Variants in CRTC1 observed in about 807,000 individuals in gnomAD.
The protein encoded by CRTC1 is CREB regulated transcription coactivator 1.
CRTC1 carries 18 observed loss-of-function variants against 66.1 expected under a neutral mutation model. The observed-to-expected ratio is 0.27, with a 90% CI of 0.19 to 0.40. CRTC1 has a LOEUF of 0.40. Among genes scored for constraint, CRTC1 ranks in the 10% least tolerant of loss-of-function variants. CRTC1 has a pLI of 1.00. For missense variants in CRTC1, 669 were observed against 887.9 expected (o/e 0.75, Z 3.13); for synonymous variants, 416 against 398.8 (o/e 1.04, Z -0.51).
intron 1 of CRTC1, among the ~76,000 whole-genome samples, chr19:18,717,971 T>A (rs1208749722): frequency 6.6e-6 from 1 of 152,186 alleles, no homozygotes; most frequent in Non-Finnish European, 1.5e-5. Flanking sequence ...GTCACGGGGC[T>A]GGCTTTGAAT....
intron 1 of CRTC1, among the ~76,000 whole-genome samples, chr19:18,689,671 C>T (rs1040903975): frequency 6.9e-5 from 10 of 144,756 alleles, no homozygotes; most frequent in East Asian, 6.3e-4. Context: ...GCACCGTCAC[C>T]GGCATGGCTC....
intron 1 of CRTC1, among the ~76,000 whole-genome samples, chr19:18,721,668 T>A (rs1568497842): frequency 6.6e-6 from 1 of 152,168 alleles, no homozygotes; most frequent in Non-Finnish European, 1.5e-5. Flanking sequence ...CTAATTTTTG[T>A]ATTTTTAGTA....
chr19:18,736,575 G>A (rs1372813222), intron 1 of CRTC1, among the ~76,000 whole-genome samples: 1 of 152,018 alleles, frequency 6.6e-6, no homozygotes, highest in Non-Finnish European at 1.5e-5. Flanking sequence ...GGGCCCAGGG[G>A]GAAGAGCCTT....
At chr19:18,708,157 C>T (rs1568488283) in intron 1 of CRTC1, among the ~76,000 whole-genome samples, 5 of 151,990 alleles carry the variant, frequency 3.3e-5, no homozygotes, top group African/African-American at 1.2e-4. Flanking sequence ...ATATATGGGG[C>T]CCAGAGGCCT....
intron 1 of CRTC1, among the ~76,000 whole-genome samples, chr19:18,695,396 G>A (rs992921479): frequency 6.6e-6 from 1 of 152,164 alleles, no homozygotes; most frequent in African/African-American, 2.4e-5. Flanking sequence ...CCTGAACCCA[G>A]GGTCAGGGAA....
In CRTC1 at chr19:18,775,049, G is replaced by A. The variant is rs945781730; in HGVS notation, c.1512+63G>A. 1.7e-5 allele frequency: 25 copies of A among 1,508,862 alleles called. No homozygotes were observed. The African/African-American group carries it at 2.2e-4, about 13-fold the overall frequency. 93.5% of individuals were successfully genotyped at this position (1,508,862 alleles called of 1,614,324 possible). On this transcript the variant is annotated intron_variant, in intron 12 of 13. Transcript: ENST00000321949. The stretch of plus-strand genomic sequence containing the variant: ...AGGACAGATGCTTGCTGGGACCCTC[G>A]CTGGGACCCGGGCCTTGCGAGTCAG...
chr19:18,772,257 C>T (rs2054886599), intron 11 of CRTC1, among the ~76,000 whole-genome samples: 1 of 152,222 alleles, frequency 6.6e-6, no homozygotes, highest in South Asian at 2.1e-4. Context: ...TGGCTCCCCA[C>T]TCAGCCTCCT....
intron 13 of CRTC1, 102 bp downstream of exon 13, chr19:18,775,923 C>A (rs755130377): frequency 1.2e-5 from 15 of 1,292,172 alleles, no homozygotes; most frequent in Non-Finnish European, 1.6e-5. Flanking sequence ...TTGACAGGGC[C>A]GGGGTTGTGA....
chr19:18,712,969 A>T (rs2053424991), intron 1 of CRTC1, among the ~76,000 whole-genome samples: 1 of 151,750 alleles, frequency 6.6e-6, no homozygotes, highest in Non-Finnish European at 1.5e-5. Context: ...AAAAAAAAAA[A>T]AAAGACCCCA....
intron 1 of CRTC1, among the ~76,000 whole-genome samples, chr19:18,734,313 A>C (rs542891505): frequency 1.4e-4 from 22 of 152,234 alleles, no homozygotes; most frequent in African/African-American, 5.3e-4. Context: ...GATCATGGTA[A>C]ATTTTTTATG....
In CRTC1 at chr19:18,695,221, G is replaced by A. The variant is rs527320198; in HGVS notation, c.126+11393G>A. Reference sequence around the variant, plus strand: ...GGGGTTTCGCCATGTTTGCCAGGCCGGTCTCGAACTCCTGGTCTCGAGACC... The same window carrying A: ...GGGGTTTCGCCATGTTTGCCAGGCCAGTCTCGAACTCCTGGTCTCGAGACC... On this transcript the variant is annotated intron_variant, in intron 1 of 13. Transcript: ENST00000321949. Among the ~76,000 whole-genome samples, 6 of 151,950 alleles carry A rather than the reference G, an allele frequency of 3.9e-5. No homozygotes were observed. The South Asian group carries it at 6.2e-4, about 16-fold the overall frequency.
chr19:18,695,511 C>G (rs779494522), intron 1 of CRTC1, among the ~76,000 whole-genome samples: 1 of 152,100 alleles, frequency 6.6e-6, no homozygotes, highest in South Asian at 2.1e-4. Flanking sequence ...GTGGTTGTCA[C>G]GACGGGGAAT....
chr19:18,763,127 G>A (rs922721354), intron 8 of CRTC1, among the ~76,000 whole-genome samples: 3 of 151,686 alleles, frequency 2.0e-5, no homozygotes, highest in Non-Finnish European at 4.4e-5. Context: ...TTGAGACAAA[G>A]TCTCACTCTG....
Position 18,774,882 on chromosome 19 carries a change from C to A in CRTC1, c.1426-18C>A. The A allele has an allele frequency of 1.2e-6, 2 of 1,609,412 alleles. No homozygotes were observed. Among genetic ancestry groups the A allele is most frequent in the Non-Finnish European group, 1.7e-6 (2 of 1,179,432 alleles). Reference sequence around the variant, plus strand: ...GGCCTCAGGCCGTGACCACAGCAGGCCTCTCTTCTGTCTGCAGCACACTTC... The same window carrying A: ...GGCCTCAGGCCGTGACCACAGCAGGACTCTCTTCTGTCTGCAGCACACTTC... On this transcript the variant is annotated intron_variant, in intron 11 of 13. Transcript: ENST00000321949.
intron 1 of CRTC1, among the ~76,000 whole-genome samples, chr19:18,738,417 G>A (rs1431894378): frequency 1.3e-5 from 2 of 152,122 alleles, no homozygotes; most frequent in African/African-American, 4.8e-5. Context: ...CCCAATCCCC[G>A]TGTTGTCTCA....
chr19:18,693,479 G>GTTTTTTTTTTTT (rs1294890403), intron 1 of CRTC1, among the ~76,000 whole-genome samples: 1 of 129,720 alleles, frequency 7.7e-6, no homozygotes. Context: ...TAACTCTTTT[G>GTTTTTTTTTTTT]TTTTTGTTTT....
At chr19:18,710,142 C>T (rs2053357304) in intron 1 of CRTC1, among the ~76,000 whole-genome samples, 1 of 152,120 alleles carries the variant, frequency 6.6e-6, no homozygotes, top group African/African-American at 2.4e-5. Context: ...GCTCCAGCGT[C>T]ACCTCCTTGG....
Position 18,777,474 on chromosome 19 carries a change from C to A in CRTC1, c.*92C>A. The A allele has an allele frequency of 8.2e-7, 1 of 1,222,324 alleles. No homozygotes were observed. The highest frequency in any genetic ancestry group is 1.2e-6 in the Non-Finnish European group (1 of 841,570). The allele number at this position is 1,222,324 out of a possible 1,614,324, so 75.7% of individuals were successfully genotyped here. ...GCTCCGTCCCTCGCCAACGGCCGAG[C>A]TTGTGATTCTGAGCTTGCAATGCCG... On this transcript the variant is annotated 3_prime_UTR_variant, in exon 14 of 14. Transcript: ENST00000321949. This position sits in a 1 kb window ranked among gnomAD's most constrained non-coding sequence, Gnocchi z 5.5.
chr19:18,768,473 C>T lies in CRTC1; in HGVS notation c.1012-12C>T. ...CAGGGCCCGCCCTGCCTGACGCTCT[C>T]CTCTCCTGCAGGCTGTAGCCATGGA... On this transcript the variant is annotated splice_polypyrimidine_tract_variant and intron_variant, in intron 9 of 13. Coordinates refer to ENST00000321949, the MANE Select transcript of CRTC1 (RefSeq NM_015321.3). This position sits in a 1 kb window ranked among gnomAD's most constrained non-coding sequence, Gnocchi z 5.6. 6.2e-7 allele frequency: 1 copy of T among 1,606,904 alleles called. No homozygotes were observed. Among genetic ancestry groups the T allele is most frequent in the Non-Finnish European group, 8.5e-7 (1 of 1,178,500 alleles).
Sources: gnomAD v4.1 joint callset for allele counts (sites outside exome capture counted in the v4.1 genomes callset) on GRCh38, gnomAD v4.1.1 for gene constraint, Gnocchi (gnomAD v3.1) non-coding constraint, MANE v1.5 for transcripts, NCBI Gene and HGNC (gene_info 2026-07-23, HGNC 2026-07-21) for gene names.